Variants in MYO1A observed in about 807,000 individuals in gnomAD.
MYO1A encodes myosin IA.
A neutral mutation model predicts 138.5 loss-of-function variants in MYO1A; 127 were observed. The ratio of observed to expected loss-of-function variants is 0.92; its 90% CI spans 0.79 to 1.06. The LOEUF (loss-of-function observed/expected upper bound fraction) is 1.06. Ranked by LOEUF, MYO1A falls within the 50% of genes least tolerant of loss-of-function variation. MYO1A has a pLI of 0.00. For synonymous variants in MYO1A, 477 were observed against 497.5 expected, an observed-to-expected ratio of 0.96 and a Z score of 0.55; for missense variants, 1,211 against 1,288.8, an observed-to-expected ratio of 0.94 and a Z score of 0.92.
chr12:57,034,517 A>G (rs1050798928), intron 22 of MYO1A, among the ~76,000 whole-genome samples: 9 of 151,888 alleles, frequency 5.9e-5, no homozygotes, highest in Non-Finnish European at 1.0e-4. Flanking sequence ...TACCAAAAAT[A>G]TAAAAAATTA....
Position 57,043,857 on chromosome 12 carries a change from T to C in MYO1A, c.891A>G (p.Arg297=). 6.2e-7 allele frequency: 1 copy of C among 1,613,938 alleles called. No homozygotes were observed. Among genetic ancestry groups the C allele is most frequent in the African/African-American group, 1.3e-5 (1 of 74,928 alleles). Residue 297 remains arginine (R), a splice_region_variant and synonymous_variant, in exon 10 of 28, where the codon AGA becomes AGG. Transcript: ENST00000300119. ...GCTCCAGCAGGCTGGGATGCAGACCTCTCCCATCACGGATGCCACTTGCTG... is the reference window on the plus strand; with the variant it reads ...GCTCCAGCAGGCTGGGATGCAGACCCCTCCCATCACGGATGCCACTTGCTG... The part of the protein sequence containing the change: ...GIPASGIRDG[R]GVREIGEMVG...
chr12:57,043,867 C>G lies in MYO1A; in HGVS notation c.881G>C (p.Arg294Pro), dbSNP rs368189667. The G allele has an allele frequency of 6.2e-7, 1 of 1,614,104 alleles. No homozygotes were observed. The change falls in exon 10 of 28, where the codon CGT becomes CCT. Residue 294 changes from arginine (R) to proline (P), a missense_variant. Arg to Pro is a moderately radical substitution (Grantham distance 103, BLOSUM62 -2). Coordinates refer to ENST00000300119, the MANE Select transcript of MYO1A (RefSeq NM_005379.4). Reference protein sequence around the residue: ...QASGIPASGIRDGRGVREIGE... With the variant: ...QASGIPASGIPDGRGVREIGE... ...GCTGGGATGCAGACCTCTCCCATCA[C>G]GGATGCCACTTGCTGGTATCCCACT...
intron 19 of MYO1A, 94 bp downstream of exon 19, chr12:57,037,454 C>G: frequency 9.0e-7 from 1 of 1,105,040 alleles, no homozygotes; most frequent in South Asian, 1.2e-5. Context: ...GTGATCCATT[C>G]CAGGTTATAC....
At position 57,029,389 on chromosome 12, in the gene MYO1A, A is replaced by C. The variant is rs201084437; in HGVS notation, c.2877+46T>G. On this transcript the variant is annotated intron_variant, in intron 26 of 27. Transcript: ENST00000300119. The stretch of plus-strand genomic sequence containing the variant: ...CCAGCCTGCCCCAGCCCTGGGATGC[A>C]TACCACCTTCTCCAGTCCAAGGCTT... The C allele has an allele frequency of 3.7e-6, 6 of 1,613,914 alleles. No individual in the cohort carries two copies. In the Admixed American group the frequency reaches 1.0e-4, roughly 27 times the overall value.
chr12:57,046,849 G>A lies in MYO1A; in HGVS notation c.541+14C>T. 1 of 1,613,194 alleles carries A rather than the reference G, an allele frequency of 6.2e-7. No individual in the cohort carries two copies. Among genetic ancestry groups the A allele is most frequent in the South Asian group, 1.1e-5 (1 of 91,052 alleles). On this transcript the variant is annotated intron_variant, in intron 7 of 27. Transcript: ENST00000300119. The stretch of plus-strand genomic sequence containing the variant: ...AGGTGGAAGACAGGTGAGTGGAATT[G>A]GGGAGACACGTACAGTTTGTGATGA...
intron 18 of MYO1A, 22 bp downstream of exon 18, chr12:57,037,847 C>T (rs761854837): frequency 4.3e-6 from 7 of 1,613,004 alleles, no homozygotes; most frequent in East Asian, 2.2e-5. Context: ...TCCTGATGCC[C>T]AGTCTCCCCA....
chr12:57,044,879 G>A (rs1043440468), intron 8 of MYO1A, among the ~76,000 whole-genome samples: 1 of 152,188 alleles, frequency 6.6e-6, no homozygotes, highest in African/African-American at 2.4e-5. Flanking sequence ...GAAGGTAAGG[G>A]GAGAAGGGTA....
chr12:57,047,519 G>T (rs575413306), intron 4 of MYO1A, 108 bp downstream of exon 4: 208 of 1,508,872 alleles, frequency 1.4e-4, no homozygotes, highest in Non-Finnish European at 1.9e-4. Flanking sequence ...AGAAAAAGTG[G>T]AAAGGAAGTT....
chr12:57,046,485 CTGAA>C, intron 8 of MYO1A, 63 bp downstream of exon 8: 2 of 1,240,092 alleles, frequency 1.6e-6, no homozygotes, highest in Admixed American at 1.7e-5. Context: ...GGTTCTGGGA[CTGAA>C]TGGAGGTTGG....
Position 57,037,696 on chromosome 12 carries a change from T to C in MYO1A, c.1962-55A>G. The C allele has an allele frequency of 6.4e-6, 10 of 1,553,066 alleles. No homozygotes were observed. The South Asian group carries it at 1.0e-4, about 16-fold the overall frequency. On this transcript the variant is annotated intron_variant, in intron 18 of 27. Transcript: ENST00000300119. The stretch of plus-strand genomic sequence containing the variant: ...AGGGGTATCTCAGGAGAAAGTCCTC[T>C]TCCACCTTTCCCCTAATCCTTTCAG...
intron 8 of MYO1A, among the ~76,000 whole-genome samples, chr12:57,044,415 G>A (rs2031004088): frequency 1.3e-5 from 2 of 152,134 alleles, no homozygotes; most frequent in South Asian, 4.1e-4. Context: ...TTGAGACAGG[G>A]TCTCACTCTG....
intron 1 of MYO1A, among the ~76,000 whole-genome samples, chr12:57,049,123 G>A (rs2031244555): frequency 6.6e-6 from 1 of 152,228 alleles, no homozygotes; most frequent in Non-Finnish European, 1.5e-5. Context: ...CATGGACTTT[G>A]CCCCAGAGGG....
intron 25 of MYO1A, 42 bp from the exon 26 acceptor site, chr12:57,029,629 T>A (rs776703736): frequency 6.2e-7 from 1 of 1,614,102 alleles, no homozygotes; most frequent in East Asian, 2.2e-5. Context: ...GCAGGATTAA[T>A]TGCCCCCACT....
intron 8 of MYO1A, 105 bp from the exon 9 acceptor site, chr12:57,044,314 C>T: frequency 1.1e-6 from 1 of 888,538 alleles, no homozygotes; most frequent in Non-Finnish European, 1.8e-6. Context: ...TTCACTTATC[C>T]AAAGGAGTCA....
intron 22 of MYO1A, 142 bp from the exon 23 acceptor site, chr12:57,031,316 G>T: frequency 9.6e-7 from 1 of 1,039,910 alleles, no homozygotes. Context: ...AGATGGAAGG[G>T]AGTCACCTCT....
Position 57,044,192 on chromosome 12 carries a change from G to A in MYO1A, c.658C>T (p.Arg220Trp), listed in dbSNP as rs144009842. The change falls in exon 9 of 28, where the codon CGG becomes TGG. Residue 220 changes from arginine (R) to tryptophan (W), a missense_variant. By Grantham distance (101) the Arg-to-Trp change is moderately radical (BLOSUM62 -3). Coordinates refer to ENST00000300119, the MANE Select transcript of MYO1A (RefSeq NM_005379.4). ...EQLLKALKLE[R>W]DTTGYAYLNH... ...AGATAGGCATAGCCAGTTGTATCCCGCTCAAGCTTCAGGGCCTCTGGGAGG... is the reference window on the plus strand; with the variant it reads ...AGATAGGCATAGCCAGTTGTATCCCACTCAAGCTTCAGGGCCTCTGGGAGG... 312 of 1,613,954 alleles carry A rather than the reference G, an allele frequency of 1.9e-4. 1 individual carries two copies. Among genetic ancestry groups the A allele is most frequent in the South Asian group, 1.4e-3 (130 of 91,022 alleles).
chr12:57,031,279 A>T, intron 22 of MYO1A, 105 bp from the exon 23 acceptor site: 1 of 1,402,266 alleles, frequency 7.1e-7, no homozygotes, highest in Non-Finnish European at 1.0e-6. Flanking sequence ...GTTAACCCAC[A>T]GTGAGAAGCA....
rs776751252 is a variant in MYO1A at position 57,047,383 on chromosome 12, T to C, written c.350A>G (p.Tyr117Cys). ...TCCTTTCCCACAGACGGCAGCCACATAAGACATCACCAGCTTGCTGGCCTC... is the reference window on the plus strand; with the variant it reads ...TCCTTTCCCACAGACGGCAGCCACACAAGACATCACCAGCTTGCTGGCCTC... The part of the protein sequence containing the change: ...KTEASKLVMS[Y>C]VAAVCGKGEQ... The change falls in exon 5 of 28, where the codon TAT (tyrosine) becomes TGT (cysteine). Residue 117 changes from tyrosine to cysteine, a missense_variant. Coordinates refer to ENST00000300119, the MANE Select transcript of MYO1A (RefSeq NM_005379.4). The C allele has an allele frequency of 1.2e-6, 2 of 1,614,090 alleles. No homozygotes were observed. Among genetic ancestry groups the C allele is most frequent in the Non-Finnish European group, 1.7e-6 (2 of 1,180,006 alleles).
At chr12:57,039,919 T>C (rs187246921) in intron 14 of MYO1A, among the ~76,000 whole-genome samples, 102 of 152,318 alleles carry the variant, frequency 6.7e-4, no homozygotes, top group African/African-American at 2.2e-3. Context: ...TTTATCTACA[T>C]GAGACTTTGA....
Sources: allele counts gnomAD v4.1 joint callset (sites outside exome capture counted in the v4.1 genomes callset), GRCh38; gene constraint gnomAD v4.1.1; transcripts MANE v1.5; gene names NCBI Gene and HGNC (gene_info 2026-07-23, HGNC 2026-07-21).